Variants in TENM4 observed in about 807,000 individuals in gnomAD.
TENM4 encodes the protein teneurin transmembrane protein 4.
In TENM4, 82 loss-of-function variants were observed where a neutral mutation model predicts 243.3. That is an observed-to-expected ratio of 0.34 (90% CI 0.28 to 0.40). TENM4 has a LOEUF of 0.40. TENM4 is among the 10% of genes least tolerant of loss of function. The probability of loss-of-function intolerance (pLI) is 1.00; values close to 1 mark genes in which losing one functional copy is unlikely to be tolerated. For missense variants in TENM4, 3,138 were observed against 3,673.3 expected, an observed-to-expected ratio of 0.85 and a Z score of 3.77; for synonymous variants, 1,412 against 1,456.3, an observed-to-expected ratio of 0.97 and a Z score of 0.69.
At chr11:78,997,768 G>A (rs1858212420) in intron 6 of TENM4, among the ~76,000 whole-genome samples, 1 of 152,234 alleles carries the variant, frequency 6.6e-6, no homozygotes, top group East Asian at 1.9e-4. Context: ...GAATGTATGT[G>A]TCCCTTTAGA....
At chr11:79,430,018 C>A (rs1859133186) in intron 1 of TENM4, among the ~76,000 whole-genome samples, 1 of 152,068 alleles carries the variant, frequency 6.6e-6, no homozygotes, top group Non-Finnish European at 1.5e-5. Context: ...CTCTTTCAAG[C>A]CACCAAGAGG....
At position 78,778,608 on chromosome 11, in the gene TENM4, C is replaced by A; in HGVS notation, c.2386G>T (p.Val796Phe). ...AGAGGAAGGAAGACCATACCTTTAA[C>A]TACCCTATCCAGATAGTGAGCTAGG... ...CTIAHYLDRV[V>F]KEGCPGLCNG... Residue 796 changes from valine to phenylalanine, a missense_variant, in exon 17 of 34, where the codon GTT becomes TTT. Coordinates refer to ENST00000278550, the MANE Select transcript of TENM4 (RefSeq NM_001098816.3). 3.7e-6 allele frequency: 6 copies of A among 1,612,252 alleles called. No homozygotes were observed. The highest frequency in any genetic ancestry group is 5.1e-6 in the Non-Finnish European group (6 of 1,179,202).
chr11:79,216,914 T>A (rs551478727), intron 2 of TENM4, among the ~76,000 whole-genome samples: 5 of 152,150 alleles, frequency 3.3e-5, no homozygotes, highest in Non-Finnish European at 7.4e-5. Context: ...CATGGGAGGG[T>A]TGGAGTCACC....
In TENM4 at chr11:79,440,740, C is replaced by T. The variant is rs112209391; in HGVS notation, c.-552G>A. On this transcript the variant is annotated 5_prime_UTR_variant, in exon 1 of 34. Transcript: ENST00000278550. This position sits in a 1 kb window ranked among gnomAD's most constrained non-coding sequence, Gnocchi z 4.7. The stretch of plus-strand genomic sequence containing the variant: ...GAGCCTCCAGCCGCGCGCGCACGAC[C>T]GGCTCCCGCTCCCGGCCGCTCCCGG... 10,890 of 152,372 alleles carry T rather than the reference C, an allele frequency of 0.071. 474 individuals carry two copies. The highest frequency in any genetic ancestry group is 0.1 in the Non-Finnish European group (7,075 of 68,288). The allele number at this position is 152,372 out of a possible 1,614,324, so 9.4% of individuals were successfully genotyped here.
At chr11:78,969,702 T>G (rs916432541) in intron 6 of TENM4, among the ~76,000 whole-genome samples, 3 of 152,206 alleles carry the variant, frequency 2.0e-5, no homozygotes, top group African/African-American at 7.2e-5. Context: ...GTGTGAGTCC[T>G]CAACAGTAAC....
At chr11:79,148,108 A>G (rs903933372) in intron 4 of TENM4, among the ~76,000 whole-genome samples, 13 of 152,160 alleles carry the variant, frequency 8.5e-5, no homozygotes, top group African/African-American at 3.1e-4. Flanking sequence ...ATTCTCATCC[A>G]TATACTGGGC....
Position 78,657,893 on chromosome 11 carries a change from T to C in TENM4, c.*165A>G. The C allele has an allele frequency of 8.8e-7, 1 of 1,138,612 alleles. No homozygotes were observed. Among genetic ancestry groups the C allele is most frequent in the Non-Finnish European group, 1.3e-6 (1 of 770,466 alleles). The allele number at this position is 1,138,612 out of a possible 1,614,324, so 70.5% of individuals were successfully genotyped here. A position where few individuals can be genotyped will look rare whatever the true frequency, so the allele number is the denominator to read the frequency against. ...AAAAAATGTGCGAAGGCCAAATCTG[T>C]GTTTTTCTTTTCTAAAAAAAAGGAT... is the stretch of plus-strand genomic sequence containing the variant. On this transcript the variant is annotated 3_prime_UTR_variant, in exon 34 of 34. Coordinates refer to ENST00000278550, the MANE Select transcript of TENM4 (RefSeq NM_001098816.3).
At chr11:78,831,998 C>G (rs796260498) in intron 12 of TENM4, among the ~76,000 whole-genome samples, 1 of 152,214 alleles carries the variant, frequency 6.6e-6, no homozygotes, top group Admixed American at 6.5e-5. Flanking sequence ...AAGTCAGGCA[C>G]AGTGCTGGTA....
At chr11:79,400,742 G>A (rs1004751618) in intron 1 of TENM4, among the ~76,000 whole-genome samples, 4 of 152,226 alleles carry the variant, frequency 2.6e-5, no homozygotes, top group Admixed American at 2.6e-4. Flanking sequence ...CCTGCACAGA[G>A]GAAACACACA....
intron 4 of TENM4, among the ~76,000 whole-genome samples, chr11:79,126,248 T>TA (rs1861873889): frequency 6.6e-6 from 1 of 152,208 alleles, no homozygotes; most frequent in African/African-American, 2.4e-5. Flanking sequence ...TTAGTCACTT[T>TA]AGACCTACTC....
At chr11:79,091,975 C>A (rs963561926) in intron 4 of TENM4, among the ~76,000 whole-genome samples, 1 of 152,140 alleles carries the variant, frequency 6.6e-6, no homozygotes, top group Admixed American at 6.5e-5. Flanking sequence ...CTCCCACATG[C>A]CCCCTGACTT....
chr11:78,750,097 T>C (rs935342124), intron 19 of TENM4, among the ~76,000 whole-genome samples: 3 of 152,250 alleles, frequency 2.0e-5, no homozygotes, highest in African/African-American at 7.2e-5. Flanking sequence ...TGGAAAGTTA[T>C]GCTGTTGCTC....
chr11:79,066,730 G>GCGCATGCACA (rs1555001928), intron 5 of TENM4, among the ~76,000 whole-genome samples: 14 of 150,606 alleles, frequency 9.3e-5, no homozygotes, highest in East Asian at 3.9e-4. Context: ...GAGCACACAC[G>GCGCATGCACA]CGCACGCACA....
chr11:78,903,568 C>A (rs1156843700), intron 6 of TENM4, 45 bp from the exon 7 acceptor site: 6 of 1,538,954 alleles, frequency 3.9e-6, no homozygotes, highest in African/African-American at 1.4e-5. Flanking sequence ...CTTGGTGCTG[C>A]CCCTCGGCTG....
intron 6 of TENM4, among the ~76,000 whole-genome samples, chr11:79,054,958 T>C (rs950013572): frequency 8.6e-5 from 13 of 151,732 alleles, no homozygotes; most frequent in Non-Finnish European, 1.3e-4. Context: ...TGGTGAAAGC[T>C]CATCTCTACT....
intron 1 of TENM4, among the ~76,000 whole-genome samples, chr11:79,340,307 C>A (rs545323114): frequency 6.6e-6 from 1 of 152,258 alleles, no homozygotes; most frequent in African/African-American, 2.4e-5. Context: ...GGGAGCCCAG[C>A]CCAGGGAGGT....
chr11:79,208,420 G>T (rs561215043), intron 3 of TENM4, among the ~76,000 whole-genome samples: 7 of 152,210 alleles, frequency 4.6e-5, no homozygotes, highest in African/African-American at 9.6e-5. Context: ...TAAAATGGGG[G>T]TGATAAGAAT....
chr11:79,139,785 T>TATTATATATATATATTA (rs762316039), intron 4 of TENM4, among the ~76,000 whole-genome samples: 4 of 19,070 alleles, frequency 2.1e-4, no homozygotes, highest in East Asian at 1.6e-3. Context: ...ATAATATATA[T>TATTATATATATATATTA]TATATTTATA....
intron 12 of TENM4, among the ~76,000 whole-genome samples, chr11:78,824,911 A>G (rs1295626205): frequency 6.6e-6 from 1 of 152,250 alleles, no homozygotes; most frequent in African/African-American, 2.4e-5. Context: ...ACTACTGCAG[A>G]GGATGCTGCC....
Sources: allele counts gnomAD v4.1 joint callset (sites outside exome capture counted in the v4.1 genomes callset), GRCh38; gene constraint gnomAD v4.1.1; non-coding constraint Gnocchi (gnomAD v3.1); transcripts MANE v1.5; gene names NCBI Gene and HGNC (gene_info 2026-07-23, HGNC 2026-07-21).